SLC44A5: variants seen among roughly 807,000 people sequenced by gnomAD.
SLC44A5 encodes the protein solute carrier family 44 member 5.
In SLC44A5, 57 loss-of-function variants were observed where a neutral mutation model predicts 101.8. The observed-to-expected ratio is 0.56, with a 90% CI of 0.45 to 0.70. The LOEUF (loss-of-function observed/expected upper bound fraction) is 0.70, where lower values mean the gene tolerates loss of function less well. Among genes scored for constraint, SLC44A5 ranks in the 30% least tolerant of loss-of-function variants. The probability of loss-of-function intolerance (pLI) is 0.00; values close to 1 mark genes in which losing one functional copy is unlikely to be tolerated. For synonymous variants in SLC44A5, 281 were observed against 290.9 expected, an observed-to-expected ratio of 0.97 and a Z score of 0.35; for missense variants, 737 against 853.1, an observed-to-expected ratio of 0.86 and a Z score of 1.70.
At chr1:75,689,545 C>T in the SLC44A5 span, among the ~76,000 whole-genome samples, 1 of 152,190 alleles carries the variant, frequency 6.6e-6, no homozygotes, top group Non-Finnish European at 1.5e-5. Context: ...AAGACCAGAC[C>T]ATGAACCACT....
At position 75,211,457 on chromosome 1, in the gene SLC44A5, T is replaced by G; in HGVS notation, c.2047+11A>C. 6.2e-7 allele frequency: 1 copy of G among 1,604,166 alleles called. No individual in the cohort carries two copies. Among genetic ancestry groups the G allele is most frequent in the Non-Finnish European group, 8.5e-7 (1 of 1,171,820 alleles). Reference sequence around the variant, plus strand: ...CACCGAAGGGGGAAAACACACATACTGAATACTCACAGAAGCAGATGAAAA... The same window carrying G: ...CACCGAAGGGGGAAAACACACATACGGAATACTCACAGAAGCAGATGAAAA... On this transcript the variant is annotated intron_variant, in intron 23 of 23. Transcript: ENST00000370859.
At chr1:75,310,437 C>T (rs1398361721) in intron 4 of SLC44A5, among the ~76,000 whole-genome samples, 2 of 152,176 alleles carry the variant, frequency 1.3e-5, no homozygotes, top group African/African-American at 4.8e-5. Flanking sequence ...GAAAGTCCCT[C>T]CTGGCAGTCT....
intron 1 of SLC44A5, among the ~76,000 whole-genome samples, chr1:75,556,824 T>A (rs1281859293): frequency 6.6e-6 from 1 of 152,058 alleles, no homozygotes; most frequent in African/African-American, 2.4e-5. Flanking sequence ...TTCCTCATAG[T>A]TATATGATCG....
chr1:75,490,176 G>A (rs995996893), intron 2 of SLC44A5, among the ~76,000 whole-genome samples: 2 of 152,002 alleles, frequency 1.3e-5, no homozygotes, highest in African/African-American at 4.8e-5. Flanking sequence ...TAATAGCTCT[G>A]ATGTTCTCAT....
At chr1:75,237,873 C>CT (rs1298585771) in intron 10 of SLC44A5, among the ~76,000 whole-genome samples, 2 of 149,942 alleles carry the variant, frequency 1.3e-5, no homozygotes, top group South Asian at 2.1e-4. Flanking sequence ...TTTAGAATAT[C>CT]TTTTTTATCT....
chr1:75,206,725 T>C (rs778795254), intron 23 of SLC44A5: 2 of 1,528,366 alleles, frequency 1.3e-6, no homozygotes, highest in Admixed American at 1.7e-5. Context: ...TTCACCTGTA[T>C]ATGCAGCAGC....
chr1:75,561,043 G>C (rs999384408), intron 1 of SLC44A5, among the ~76,000 whole-genome samples: 1 of 152,026 alleles, frequency 6.6e-6, no homozygotes, highest in African/African-American at 2.4e-5. Flanking sequence ...TGTCCACAGG[G>C]TAATTCAACA....
chr1:75,569,507 G>T (rs1672963037), intron 1 of SLC44A5, among the ~76,000 whole-genome samples: 1 of 152,098 alleles, frequency 6.6e-6, no homozygotes, highest in Admixed American at 6.5e-5. Flanking sequence ...CTCACAAAGT[G>T]CTGGGATTAT....
chr1:75,507,188 C>T (rs1669308544), intron 2 of SLC44A5, among the ~76,000 whole-genome samples: 1 of 152,236 alleles, frequency 6.6e-6, no homozygotes, highest in Non-Finnish European at 1.5e-5. Flanking sequence ...ATGGGTTTAT[C>T]ACAGATGGTG....
intron 3 of SLC44A5, among the ~76,000 whole-genome samples, chr1:75,353,190 A>G (rs1658815415): frequency 6.6e-6 from 1 of 152,198 alleles, no homozygotes; most frequent in South Asian, 2.1e-4. Flanking sequence ...TTTTCCAAAC[A>G]AGAAATCCAA....
At chr1:75,627,555 C>T in the SLC44A5 span, among the ~76,000 whole-genome samples, 1 of 151,914 alleles carries the variant, frequency 6.6e-6, no homozygotes, top group Non-Finnish European at 1.5e-5. Flanking sequence ...CGGTGGCACA[C>T]ACCTGTAGTC....
intron 1 of SLC44A5, among the ~76,000 whole-genome samples, chr1:75,589,581 C>T (rs927198308): frequency 6.6e-6 from 1 of 152,184 alleles, no homozygotes; most frequent in African/African-American, 2.4e-5. Context: ...GGAAAATACC[C>T]TTATAAGAAC....
chr1:75,516,389 C>T (rs1418870207), intron 2 of SLC44A5, among the ~76,000 whole-genome samples: 39 of 151,950 alleles, frequency 2.6e-4, no homozygotes, highest in Non-Finnish European at 8.8e-5. Flanking sequence ...TGGTGGCGGG[C>T]GCCTGTAGTC....
At chr1:75,553,243 G>A (rs1570597988) in intron 1 of SLC44A5, among the ~76,000 whole-genome samples, 1 of 152,218 alleles carries the variant, frequency 6.6e-6, no homozygotes, top group East Asian at 1.9e-4. Flanking sequence ...CCTATTGGGA[G>A]CCAGCCACTA....
At chr1:75,651,696 C>CAAAAAAAA in the SLC44A5 span, among the ~76,000 whole-genome samples, 1 of 70,152 alleles carries the variant, frequency 1.4e-5, no homozygotes, top group East Asian at 5.0e-4. Context: ...GACTCTGTCT[C>CAAAAAAAA]AAAAAAAAAA....
intron 2 of SLC44A5, among the ~76,000 whole-genome samples, chr1:75,513,373 T>C (rs1436755167): frequency 6.6e-6 from 1 of 152,216 alleles, no homozygotes. Context: ...TTAGATATTT[T>C]ATTCATAGAG....
Position 75,523,291 on chromosome 1 carries a change from G to A in SLC44A5, c.13+18144C>T, listed in dbSNP as rs188017096. Among the ~76,000 whole-genome samples, 60 of 152,096 alleles carry A rather than the reference G, an allele frequency of 3.9e-4. 1 individual carries two copies. The highest frequency in any genetic ancestry group is 1.4e-3 in the African/African-American group (60 of 41,470). ...CAAGCCTAGTTTTAAATTCCTATTG[G>A]GTCACTTTTGTTCATATAATCTTGA... On this transcript the variant is annotated intron_variant, in intron 2 of 23. Transcript: ENST00000370859.
At chr1:75,649,431 T>A in the SLC44A5 span, among the ~76,000 whole-genome samples, 1 of 152,158 alleles carries the variant, frequency 6.6e-6, no homozygotes, top group Non-Finnish European at 1.5e-5. Flanking sequence ...TGTGAATAGC[T>A]AGAAGAAAGG....
chr1:75,439,221 A>G (rs764605818), intron 2 of SLC44A5, among the ~76,000 whole-genome samples: 1 of 152,110 alleles, frequency 6.6e-6, no homozygotes, highest in Non-Finnish European at 1.5e-5. Context: ...CTCATCTGCC[A>G]TGGGATGACA....
Sources: allele counts gnomAD v4.1 joint callset (sites outside exome capture counted in the v4.1 genomes callset), GRCh38; gene constraint gnomAD v4.1.1; transcripts MANE v1.5; gene names NCBI Gene and HGNC (gene_info 2026-07-23, HGNC 2026-07-21).